FMN2: variants seen among roughly 807,000 people sequenced by gnomAD.
The protein encoded by FMN2 is formin-2.
Under a neutral mutation model 142.3 loss-of-function variants are expected in FMN2, and 51 were observed. The observed-to-expected ratio is 0.36, with a 90% CI of 0.29 to 0.45. The LOEUF is 0.45. Ranked by LOEUF, FMN2 falls within the 20% of genes least tolerant of loss-of-function variation. The probability of loss-of-function intolerance (pLI) is 1.00; values close to 1 mark genes in which losing one functional copy is unlikely to be tolerated. For synonymous variants in FMN2, 882 were observed against 869.8 expected, an observed-to-expected ratio of 1.01 and a Z score of -0.25; for missense variants, 1,936 against 2,122.8, an observed-to-expected ratio of 0.91 and a Z score of 1.73.
chr1:240,448,030 A>G (rs1675885576), intron 16 of FMN2, among the ~76,000 whole-genome samples: 1 of 152,136 alleles, frequency 6.6e-6, no homozygotes, highest in Admixed American at 6.5e-5. Context: ...TGAAAAATCT[A>G]ACATCGGTCC....
Position 240,474,354 on chromosome 1 carries a change from TG to T in FMN2, c.*202del. Reference sequence around the variant, plus strand: ...TAAAAATGCAAACGTACTAGACCAGTGGAGAATTTGACACCTTTTCTTTTTG... The same window carrying T: ...TAAAAATGCAAACGTACTAGACCAGTGAGAATTTGACACCTTTTCTTTTTG... On this transcript the variant is annotated 3_prime_UTR_variant, in exon 18 of 18. Coordinates refer to ENST00000319653, the MANE Select transcript of FMN2 (RefSeq NM_020066.5). 2.0e-6 allele frequency: 1 copy of T among 506,054 alleles called. No homozygotes were observed. Among genetic ancestry groups the T allele is most frequent in the Non-Finnish European group, 3.4e-6 (1 of 291,504 alleles). The allele number at this position is 506,054 out of a possible 1,614,324, so 31.3% of individuals were successfully genotyped here.
intron 14 of FMN2, among the ~76,000 whole-genome samples, chr1:240,377,005 A>G (rs1247319406): frequency 6.6e-6 from 1 of 152,144 alleles, no homozygotes; most frequent in Non-Finnish European, 1.5e-5. Flanking sequence ...TTACATCTAC[A>G]TATGTTATAA....
At chr1:240,371,476 G>GT (rs375308253) in intron 14 of FMN2, among the ~76,000 whole-genome samples, 115 of 151,802 alleles carry the variant, frequency 7.6e-4, no homozygotes, top group African/African-American at 2.2e-3. Flanking sequence ...GAATCTTCCA[G>GT]TTTTTTTTGA....
chr1:240,259,135 A>G (rs1423172855), intron 7 of FMN2, among the ~76,000 whole-genome samples: 1 of 152,218 alleles, frequency 6.6e-6, no homozygotes, highest in Non-Finnish European at 1.5e-5. Flanking sequence ...TAGTCATAGA[A>G]GAGAAAGCCA....
chr1:240,362,441 G>A (rs933587145), intron 14 of FMN2, among the ~76,000 whole-genome samples: 8 of 152,088 alleles, frequency 5.3e-5, no homozygotes, highest in Non-Finnish European at 8.8e-5. Context: ...GATATAGAAA[G>A]ATGAGATAAA....
intron 14 of FMN2, among the ~76,000 whole-genome samples, chr1:240,387,267 T>G (rs1196221774): frequency 1.3e-5 from 2 of 152,254 alleles, no homozygotes; most frequent in African/African-American, 4.8e-5. Flanking sequence ...AGACTCTATC[T>G]CGGAACATTT....
chr1:240,270,061 A>G (rs889137308), intron 7 of FMN2, among the ~76,000 whole-genome samples: 7 of 152,078 alleles, frequency 4.6e-5, no homozygotes, highest in Non-Finnish European at 8.8e-5. Context: ...GATGTCCAGT[A>G]CTATGTTGAA....
rs1671307508 is a variant in FMN2, at chr1:240,329,477, T to C, written c.4437+9T>C. The C allele has an allele frequency of 1.2e-6, 2 of 1,611,512 alleles. No homozygotes were observed. The highest frequency in any genetic ancestry group is 3.4e-5 in the Admixed American group (2 of 59,346). On this transcript the variant is annotated intron_variant, in intron 10 of 17. Transcript: ENST00000319653. ...TACAGAAATTGTGTGAGGTGAGTTCTGGTCCAAAGAGAGCTGAACTTGAGT... is the reference window on the plus strand; with the variant it reads ...TACAGAAATTGTGTGAGGTGAGTTCCGGTCCAAAGAGAGCTGAACTTGAGT...
chr1:240,375,780 G>A (rs1261497661), intron 14 of FMN2, among the ~76,000 whole-genome samples: 1 of 152,000 alleles, frequency 6.6e-6, no homozygotes, highest in African/African-American at 2.4e-5. Context: ...AGGTTTTCAG[G>A]GTATTGTATA....
At chr1:240,323,194 TCTCTCTCTCTCTCACACTCTCA>T (rs1375412528) in intron 8 of FMN2, among the ~76,000 whole-genome samples, 7 of 150,638 alleles carry the variant, frequency 4.6e-5, no homozygotes, top group Admixed American at 2.0e-4. Context: ...TTTCTTTCTT[TCTCTCTCTCTCTCACACTCTCA>T]CTCTCTCTCA....
intron 4 of FMN2, among the ~76,000 whole-genome samples, chr1:240,192,496 G>T (rs1372934138): frequency 6.6e-6 from 1 of 152,116 alleles, no homozygotes; most frequent in African/African-American, 2.4e-5. Context: ...ATATGAATTT[G>T]CAAAGTAATT....
At chr1:240,416,744 G>A (rs1472890357) in intron 15 of FMN2, among the ~76,000 whole-genome samples, 1 of 144,210 alleles carries the variant, frequency 6.9e-6, no homozygotes, top group Non-Finnish European at 1.5e-5. Context: ...TTGATTTGTT[G>A]ATTATCTCTC....
At chr1:240,433,396 T>C (rs1675247066) in intron 15 of FMN2, among the ~76,000 whole-genome samples, 1 of 152,244 alleles carries the variant, frequency 6.6e-6, no homozygotes, top group African/African-American at 2.4e-5. Flanking sequence ...TTTCTAACTT[T>C]AGTGCTCTAG....
intron 16 of FMN2, among the ~76,000 whole-genome samples, chr1:240,470,785 AAAAT>A (rs1458420333): frequency 6.6e-6 from 1 of 152,148 alleles, no homozygotes; most frequent in Non-Finnish European, 1.5e-5. Flanking sequence ...ACAGTAATAA[AAAAT>A]AAATTTTACC....
chr1:240,466,830 A>G (rs903899580), intron 16 of FMN2, among the ~76,000 whole-genome samples: 9 of 152,124 alleles, frequency 5.9e-5, no homozygotes, highest in Admixed American at 3.9e-4. Context: ...AACCTTCTCT[A>G]GGTGCGACTG....
chr1:240,163,024 G>T (rs1317637823), intron 2 of FMN2, among the ~76,000 whole-genome samples: 1 of 152,024 alleles, frequency 6.6e-6, no homozygotes, highest in Non-Finnish European at 1.5e-5. Context: ...GAATTGTATT[G>T]CTTGATTTCC....
In FMN2 at chr1:240,371,476, G is replaced by T. The variant is rs114464468; in HGVS notation, c.4858+15568G>T. Among the ~76,000 whole-genome samples, 598 of 151,804 alleles carry T rather than the reference G, an allele frequency of 3.9e-3. 3 individuals carry two copies. Among genetic ancestry groups the T allele is most frequent in the African/African-American group, 0.014 (570 of 41,414 alleles). On this transcript the variant is annotated intron_variant, in intron 14 of 17. Transcript: ENST00000319653. Reference sequence around the variant, plus strand: ...TTTAGTGACTGACGTGAATCTTCCAGTTTTTTTTGAAGAAAAGTCAGCCAG... The same window carrying T: ...TTTAGTGACTGACGTGAATCTTCCATTTTTTTTTGAAGAAAAGTCAGCCAG...
chr1:240,145,193 T>C (rs1441227344), intron 2 of FMN2: 2 of 1,430,768 alleles, frequency 1.4e-6, no homozygotes, highest in Non-Finnish European at 2.0e-6. Context: ...CCCGAGTCAT[T>C]CCACAAGCAT....
chr1:240,234,647 C>G (rs953313394), intron 6 of FMN2, among the ~76,000 whole-genome samples: 2 of 152,082 alleles, frequency 1.3e-5, no homozygotes, highest in African/African-American at 2.4e-5. Flanking sequence ...CACCACCAAC[C>G]CCCCCACTAC....
Sources: gnomAD v4.1 joint callset for allele counts (sites outside exome capture counted in the v4.1 genomes callset) on GRCh38, gnomAD v4.1.1 for gene constraint, MANE v1.5 for transcripts, NCBI Gene and HGNC (gene_info 2026-07-23, HGNC 2026-07-21) for gene names.